Variants in DST observed in about 807,000 individuals in gnomAD.
DST encodes dystonin.
Under a neutral mutation model 875.2 loss-of-function variants are expected in DST, and 253 were observed. The ratio of observed to expected loss-of-function variants is 0.29; its 90% confidence interval spans 0.26 to 0.32. The LOEUF is 0.32. Among genes scored for constraint, DST ranks in the 10% least tolerant of loss-of-function variants. The pLI is 1.00. For missense variants in DST, 8,287 were observed against 9,111.6 expected (o/e 0.91, Z 3.68); for synonymous variants, 3,124 against 3,197.1 (o/e 0.98, Z 0.77).
At chr6:56,619,387 T>C in intron 36 of DST, 1 of 1,613,584 alleles carries the variant, frequency 6.2e-7, no homozygotes, top group South Asian at 1.1e-5. Flanking sequence ...CATTATTTTC[T>C]TTTTCAGCTT....
intron 49 of DST, 64 bp downstream of exon 49, chr6:56,592,118 T>C (rs1196412996): frequency 1.4e-6 from 2 of 1,438,012 alleles, no homozygotes; most frequent in Admixed American, 4.0e-5. Context: ...ATCACAAAAG[T>C]GTGAGAAATT....
Position 56,593,701 on chromosome 6 carries a change from C to A in DST, c.12688G>T (p.Asp4230Tyr), listed in dbSNP as rs779649927. 5.6e-6 allele frequency: 9 copies of A among 1,610,148 alleles called. No individual in the cohort carries two copies. The highest frequency in any genetic ancestry group is 6.8e-6 in the Non-Finnish European group (8 of 1,177,424). ...GACCTGAACCGATCAGTAGCATGATCCAACTTGCGCTGCACTTCTCTGTGG... is the reference window on the plus strand; with the variant it reads ...GACCTGAACCGATCAGTAGCATGATACAACTTGCGCTGCACTTCTCTGTGG... Reference protein sequence around the residue: ...ATHREVQRKLDHATDRFRSLY... With the variant: ...ATHREVQRKLYHATDRFRSLY... The change falls in exon 48 of 104, where the codon GAT (aspartate) becomes TAT (tyrosine). Residue 4230 changes from aspartate (D) to tyrosine (Y), a missense_variant. Physicochemically the swap from Asp to Tyr is radical, Grantham distance 160 (BLOSUM62 -3). Around this residue, in one of 10 missense-constraint regions of DST, gnomAD observed 1,513 missense variants for 1,677.8 expected, o/e 0.90. Transcript: ENST00000680361.
At chr6:56,619,167 C>A (rs1477898129) in intron 36 of DST, 1 of 1,614,084 alleles carries the variant, frequency 6.2e-7, no homozygotes, top group Admixed American at 1.7e-5. Context: ...CGTAGCTGAT[C>A]TTTAAAACCA....
intron 2 of DST, among the ~76,000 whole-genome samples, chr6:56,915,503 G>A (rs1275503962): frequency 6.6e-6 from 1 of 152,166 alleles, no homozygotes; most frequent in African/African-American, 2.4e-5. Flanking sequence ...AACTGAGATA[G>A]ATGAGGTTGT....
chr6:56,739,750 C>T (rs1327262685), intron 4 of DST, among the ~76,000 whole-genome samples: 1 of 152,148 alleles, frequency 6.6e-6, no homozygotes, highest in Non-Finnish European at 1.5e-5. Context: ...ACATTCCCAC[C>T]AGCGCCATGA....
chr6:56,735,057 C>T (rs149525277), intron 5 of DST, 171 bp downstream of exon 5: 109 of 587,830 alleles, frequency 1.9e-4, no homozygotes, highest in African/African-American at 1.7e-3. Context: ...CATTACCCAC[C>T]GTCCACACAC....
At chr6:56,727,761 C>T (rs2099470760) in intron 5 of DST, among the ~76,000 whole-genome samples, 2 of 152,188 alleles carry the variant, frequency 1.3e-5, no homozygotes, top group Non-Finnish European at 2.9e-5. Flanking sequence ...TAGCATATTG[C>T]TTTCTTTCTA....
chr6:56,626,821 A>AG (rs2098739047), intron 34 of DST, among the ~76,000 whole-genome samples: 3 of 152,078 alleles, frequency 2.0e-5, no homozygotes, highest in African/African-American at 7.2e-5. Context: ...ATGGATCTGG[A>AG]GGGCTAAAAC....
At chr6:56,916,778 T>TCA (rs70989742) in intron 2 of DST, among the ~76,000 whole-genome samples, 17,352 of 91,248 alleles carry the variant, frequency 0.19, 1,737 homozygotes, top group Middle Eastern at 0.28. Flanking sequence ...TCTCTCTCTC[T>TCA]CACACACACA....
chr6:56,612,008 C>T (rs2098549805), intron 37 of DST, among the ~76,000 whole-genome samples: 2 of 152,160 alleles, frequency 1.3e-5, no homozygotes, highest in African/African-American at 4.8e-5. Flanking sequence ...TGCCAAGCTC[C>T]TAGACACAAT....
intron 5 of DST, among the ~76,000 whole-genome samples, chr6:56,719,236 G>A (rs1476461083): frequency 1.3e-5 from 2 of 152,124 alleles, no homozygotes; most frequent in African/African-American, 2.4e-5. Context: ...ACATACAACT[G>A]AAATACTCTT....
In DST at chr6:56,954,104, G is replaced by T. The variant is rs181524404; in HGVS notation, c.182-285C>A. ...TCCAGCGAAGGATGCGTGAAGGCGA[G>T]GCTGGCGCAGCCCCGGACTACGCTC... is the stretch of plus-strand genomic sequence containing the variant. On this transcript the variant is annotated intron_variant, in intron 1 of 103. Transcript: ENST00000680361. Among the ~76,000 whole-genome samples the T allele has an allele frequency of 2.9e-3, 440 of 152,348 alleles. 4 individuals carry two copies. Among genetic ancestry groups the T allele is most frequent in the South Asian group, 0.015 (74 of 4,828 alleles).
At chr6:56,710,648 A>T (rs1309106310) in intron 5 of DST, among the ~76,000 whole-genome samples, 12 of 152,200 alleles carry the variant, frequency 7.9e-5, no homozygotes, top group Admixed American at 7.9e-4. Flanking sequence ...TAAGAAAATT[A>T]ATGCTTTTAA....
At position 56,561,354 on chromosome 6, in the gene DST, G is replaced by A. The variant is rs781149123; in HGVS notation, c.14264C>T (p.Ala4755Val). The change falls in exon 57 of 104, where the codon GCA becomes GTA. Residue 4755 changes from alanine to valine, a missense_variant. Physicochemically the swap from Ala to Val is moderately conservative, Grantham distance 64. Around this residue, in one of 10 missense-constraint regions of DST, gnomAD observed 1,513 missense variants for 1,677.8 expected, o/e 0.90. Coordinates refer to ENST00000680361, the MANE Select transcript of DST (RefSeq NM_001374736.1). ...CTTCACAGCTTCAGTATCTGTAGGT[G>A]CAGGTGTCTGCTGCCATTTTGTTGC... ...KTATKWQQTP[A>V]PTDTEAVKTQ... The A allele has an allele frequency of 1.9e-6, 3 of 1,613,586 alleles. No individual in the cohort carries two copies. The highest frequency in any genetic ancestry group is 1.3e-5 in the African/African-American group (1 of 74,920).
At chr6:56,843,593 G>T in intron 4 of DST, 4 of 984,068 alleles carry the variant, frequency 4.1e-6, no homozygotes, top group Non-Finnish European at 4.8e-6. Context: ...CCGCGGCAGC[G>T]GTGCGGGAGG....
intron 4 of DST, chr6:56,844,211 G>A (rs1186165893): frequency 1.3e-5 from 2 of 152,648 alleles, no homozygotes; most frequent in African/African-American, 4.8e-5. Context: ...ACAGGGTGAG[G>A]AGGCCTCTGC....
At chr6:56,706,064 C>G (rs2099332254) in intron 5 of DST, among the ~76,000 whole-genome samples, 1 of 152,154 alleles carries the variant, frequency 6.6e-6, no homozygotes, top group South Asian at 2.1e-4. Context: ...ACTTCCAGCA[C>G]TTTGGGAGGC....
intron 3 of DST, among the ~76,000 whole-genome samples, chr6:56,855,326 C>G (rs1767331359): frequency 6.6e-6 from 1 of 152,156 alleles, no homozygotes; most frequent in African/African-American, 2.4e-5. Flanking sequence ...TATCACCAAA[C>G]TTCTAAATAA....
At chr6:56,534,265 T>G (rs1220357849) in intron 63 of DST, among the ~76,000 whole-genome samples, 1 of 152,176 alleles carries the variant, frequency 6.6e-6, no homozygotes, top group Non-Finnish European at 1.5e-5. Context: ...ACATAATCCA[T>G]CCTCTTCTTT....
Sources: allele counts gnomAD v4.1 joint callset (sites outside exome capture counted in the v4.1 genomes callset), GRCh38; gene constraint gnomAD v4.1.1; regional missense constraint gnomAD v4.1.1; transcripts MANE v1.5; gene names NCBI Gene and HGNC (gene_info 2026-07-23, HGNC 2026-07-21).